Variants in DLGAP2 observed in about 807,000 individuals in gnomAD.
DLGAP2 encodes DLG associated protein 2.
Under a neutral mutation model 100.3 loss-of-function variants are expected in DLGAP2, and 26 were observed. The ratio of observed to expected loss-of-function variants is 0.26; its 90% CI spans 0.19 to 0.36. The LOEUF is 0.36. DLGAP2 is among the 10% of genes least tolerant of loss of function. The probability of loss-of-function intolerance (pLI) is 1.00; values close to 1 mark genes in which losing one functional copy is unlikely to be tolerated. For synonymous variants in DLGAP2, 886 were observed against 630.1 expected (o/e 1.41, Z -6.08); for missense variants, 1,858 against 1,453.2 (o/e 1.28, Z -4.53).
chr8:845,220 A>G lies in DLGAP2; in HGVS notation c.19-62692A>G, dbSNP rs149688222. 2.6e-5 allele frequency among the ~76,000 whole-genome samples: 4 copies of G among 152,224 alleles called. No homozygotes were observed. The South Asian group carries it at 8.3e-4, about 32-fold the overall frequency. ...TTTGAACATTTTCAGGACGTTTCAG[A>G]CTGTTTTCCAAAGTTGCAGCATGAG... On this transcript the variant is annotated intron_variant, in intron 1 of 14. Transcript: ENST00000637795.
chr8:1,011,137 C>G (rs538203871), intron 2 of DLGAP2, among the ~76,000 whole-genome samples: 1 of 147,114 alleles, frequency 6.8e-6, no homozygotes, highest in East Asian at 2.1e-4. Flanking sequence ...GGGCCTCAGT[C>G]TACACAGTGA....
chr8:1,511,073 T>C (rs1433668846), intron 4 of DLGAP2, among the ~76,000 whole-genome samples: 1 of 152,264 alleles, frequency 6.6e-6, no homozygotes, highest in Admixed American at 6.5e-5. Flanking sequence ...TTTCTTATAA[T>C]ACAAGCATCG....
intron 2 of DLGAP2, among the ~76,000 whole-genome samples, chr8:1,065,908 G>A (rs183250120): frequency 5.3e-5 from 8 of 152,326 alleles, no homozygotes; most frequent in African/African-American, 1.9e-4. Flanking sequence ...TGGTCTGTGG[G>A]GAGAATGCTC....
chr8:1,624,421 G>T (rs778233112), intron 6 of DLGAP2, among the ~76,000 whole-genome samples: 14 of 151,882 alleles, frequency 9.2e-5, no homozygotes, highest in African/African-American at 3.1e-4. Context: ...GGCTTCGTCC[G>T]CTGCACATGA....
intron 3 of DLGAP2, among the ~76,000 whole-genome samples, chr8:1,359,851 A>G (rs755727940): frequency 5.9e-5 from 9 of 152,216 alleles, no homozygotes; most frequent in Non-Finnish European, 1.3e-4. Flanking sequence ...GCCTTGCTAG[A>G]TGAAGATACA....
At chr8:1,228,476 G>C (rs569270045) in intron 2 of DLGAP2, among the ~76,000 whole-genome samples, 2 of 152,284 alleles carry the variant, frequency 1.3e-5, no homozygotes, top group South Asian at 2.1e-4. Flanking sequence ...ATATTTGTCT[G>C]ATACTAAAAC....
At chr8:1,337,622 A>G (rs996258681) in intron 3 of DLGAP2, among the ~76,000 whole-genome samples, 2 of 108,798 alleles carry the variant, frequency 1.8e-5, no homozygotes, top group Admixed American at 1.0e-4. Flanking sequence ...GCATTAATTC[A>G]TCCCCCCAAA....
chr8:1,417,664 A>G (rs796530141), intron 3 of DLGAP2, among the ~76,000 whole-genome samples: 8,439 of 93,122 alleles, frequency 0.091, 985 homozygotes, highest in Middle Eastern at 0.18. Flanking sequence ...CTCCTGCCTC[A>G]CTCCGCGAGG....
chr8:1,628,793 T>A (rs1368125845), intron 7 of DLGAP2, among the ~76,000 whole-genome samples: 1 of 152,098 alleles, frequency 6.6e-6, no homozygotes, highest in Non-Finnish European at 1.5e-5. Flanking sequence ...AGCGCAGGGA[T>A]TAAGAGCCTG....
At chr8:1,004,305 G>C (rs762567735) in intron 2 of DLGAP2, among the ~76,000 whole-genome samples, 1 of 152,194 alleles carries the variant, frequency 6.6e-6, no homozygotes, top group Non-Finnish European at 1.5e-5. Flanking sequence ...CTCCCAAGCA[G>C]CTTAACCAGC....
chr8:1,595,010 C>T (rs919468830), intron 6 of DLGAP2, among the ~76,000 whole-genome samples: 1 of 152,042 alleles, frequency 6.6e-6, no homozygotes, highest in African/African-American at 2.4e-5. Context: ...ACACACTGTC[C>T]TCCACACAAC....
intron 2 of DLGAP2, among the ~76,000 whole-genome samples, chr8:1,240,057 C>T (rs62487809): frequency 0.24 from 33,622 of 140,196 alleles, 3,363 homozygotes; most frequent in East Asian, 0.53. Flanking sequence ...CACATGGCGC[C>T]GTGTCTAGTT....
intron 2 of DLGAP2, among the ~76,000 whole-genome samples, chr8:998,110 C>T (rs1023780932): frequency 3.3e-5 from 5 of 152,088 alleles, no homozygotes; most frequent in Admixed American, 6.5e-5. Flanking sequence ...AACATACACA[C>T]GTGTATGAAC....
At chr8:1,345,244 C>G (rs1214223381) in intron 3 of DLGAP2, among the ~76,000 whole-genome samples, 1 of 151,816 alleles carries the variant, frequency 6.6e-6, no homozygotes, top group Admixed American at 6.5e-5. Context: ...GGCTCAGTTC[C>G]TTCAGGGCAG....
chr8:1,354,710 C>T (rs1176100609), intron 3 of DLGAP2, among the ~76,000 whole-genome samples: 1 of 38 alleles, frequency 0.026, no homozygotes, highest in Non-Finnish European at 0.033. Flanking sequence ...GATGATGCTG[C>T]GGATGAAGGT....
At chr8:1,300,650 C>G (rs1563070018) in intron 3 of DLGAP2, 1 of 152,210 alleles carries the variant, frequency 6.6e-6, no homozygotes, top group Non-Finnish European at 1.5e-5. Context: ...TGAGGTTCAC[C>G]TCCTTGACAT....
chr8:1,190,917 C>G (rs1048236235), intron 2 of DLGAP2, among the ~76,000 whole-genome samples: 1 of 152,114 alleles, frequency 6.6e-6, no homozygotes, highest in African/African-American at 2.4e-5. Flanking sequence ...CACCATGCTT[C>G]TCCTATGGAA....
intron 8 of DLGAP2, among the ~76,000 whole-genome samples, chr8:1,666,199 G>A (rs965069630): frequency 6.6e-6 from 1 of 152,098 alleles, no homozygotes; most frequent in Non-Finnish European, 1.5e-5. Context: ...CAATAATTTT[G>A]CTTAAGGCAT....
At chr8:787,932 A>G (rs1281229570) in intron 1 of DLGAP2, among the ~76,000 whole-genome samples, 2 of 152,188 alleles carry the variant, frequency 1.3e-5, no homozygotes, top group Non-Finnish European at 2.9e-5. Context: ...TTGCTCACGT[A>G]TGGTGGCATT....
Sources: gnomAD v4.1 joint callset for allele counts (sites outside exome capture counted in the v4.1 genomes callset) on GRCh38, gnomAD v4.1.1 for gene constraint, MANE v1.5 for transcripts, NCBI Gene and HGNC (gene_info 2026-07-23, HGNC 2026-07-21) for gene names.